Variants in FHIP1A observed in about 807,000 individuals in gnomAD.
The protein encoded by FHIP1A is FHF complex subunit HOOK-interacting protein 1A.
In FHIP1A, 61 loss-of-function variants were observed where a neutral mutation model predicts 88.6. The ratio of observed to expected loss-of-function variants is 0.69; its 90% CI spans 0.56 to 0.85. The LOEUF is 0.85. Among genes scored for constraint, FHIP1A ranks in the 40% least tolerant of loss-of-function variants. The pLI, the probability that FHIP1A is intolerant of heterozygous loss-of-function variation, is 0.00. For missense variants in FHIP1A, 1,154 were observed against 1,273.5 expected (o/e 0.91, Z 1.43); for synonymous variants, 478 against 496.0 (o/e 0.96, Z 0.48).
chr4:151,433,762 T>C (rs1733688234), intron 1 of FHIP1A, among the ~76,000 whole-genome samples: 1 of 152,188 alleles, frequency 6.6e-6, no homozygotes, highest in Non-Finnish European at 1.5e-5. Flanking sequence ...TGATAATCTC[T>C]GAATCAAACT....
chr4:151,461,649 A>G (rs1580593768), intron 2 of FHIP1A, among the ~76,000 whole-genome samples: 1 of 152,192 alleles, frequency 6.6e-6, no homozygotes, highest in East Asian at 1.9e-4. Context: ...TAAAATTTTA[A>G]AAATGGAAAA....
intron 3 of FHIP1A, among the ~76,000 whole-genome samples, chr4:151,503,795 T>C (rs1045510867): frequency 6.6e-6 from 1 of 152,206 alleles, no homozygotes; most frequent in Non-Finnish European, 1.5e-5. Flanking sequence ...AGGCCTACTT[T>C]ATTGTAACAA....
At chr4:151,523,086 A>G (rs1001125399) in intron 3 of FHIP1A, among the ~76,000 whole-genome samples, 1 of 152,194 alleles carries the variant, frequency 6.6e-6, no homozygotes, top group Non-Finnish European at 1.5e-5. Context: ...CTTTGTTGCT[A>G]TGGTAATACA....
At chr4:151,521,640 A>C (rs1447581867) in intron 3 of FHIP1A, among the ~76,000 whole-genome samples, 3 of 152,172 alleles carry the variant, frequency 2.0e-5, no homozygotes, top group Non-Finnish European at 4.4e-5. Flanking sequence ...CTAATTTGTC[A>C]GTAAATTGGA....
chr4:151,664,508 A>G lies in FHIP1A; in HGVS notation c.*1754A>G, dbSNP rs998501284. On this transcript the variant is annotated 3_prime_UTR_variant, in exon 14 of 14. Coordinates refer to ENST00000435205, the MANE Select transcript of FHIP1A (RefSeq NM_001109977.3). ...CACCAAAGATTCCTACTCACTGTAC[A>G]TTTCTGTTTGTCTTGACAAATGGTT... Among the ~76,000 whole-genome samples, 1 of 152,182 alleles carries G rather than the reference A, an allele frequency of 6.6e-6. No individual in the cohort carries two copies. Among genetic ancestry groups the G allele is most frequent in the African/African-American group, 2.4e-5 (1 of 41,442 alleles).
intron 3 of FHIP1A, among the ~76,000 whole-genome samples, chr4:151,547,094 T>A (rs1366016388): frequency 6.6e-6 from 1 of 152,186 alleles, no homozygotes. Context: ...GAGAGAATAG[T>A]GTGACATGCT....
At chr4:151,616,483 C>G (rs1422111529) in intron 7 of FHIP1A, among the ~76,000 whole-genome samples, 128 of 133,348 alleles carry the variant, frequency 9.6e-4, no homozygotes, top group African/African-American at 3.5e-3. Flanking sequence ...GAGTCTCACT[C>G]TGTCACCCAG....
Position 151,511,500 on chromosome 4 carries a change from G to A in FHIP1A, c.-123+28852G>A, listed in dbSNP as rs1731027246. ...GGCAAGGCACTGCCTCACTCAGGAA[G>A]CGCAAGGGGTCAGGGAGTTCCCTTT... On this transcript the variant is annotated intron_variant, in intron 3 of 13. Transcript: ENST00000435205. Among the ~76,000 whole-genome samples, 8 of 152,372 alleles carry A rather than the reference G, an allele frequency of 5.3e-5. No individual in the cohort carries two copies. In the South Asian group the frequency reaches 1.4e-3, roughly 28 times the overall value.
intron 1 of FHIP1A, among the ~76,000 whole-genome samples, chr4:151,417,389 C>A (rs777606300): frequency 6.6e-6 from 1 of 152,162 alleles, no homozygotes; most frequent in Non-Finnish European, 1.5e-5. Context: ...ACACCCTATG[C>A]AAACATCTGA....
At chr4:151,605,727 A>T (rs1428273399) in intron 7 of FHIP1A, among the ~76,000 whole-genome samples, 1 of 152,222 alleles carries the variant, frequency 6.6e-6, no homozygotes, top group Non-Finnish European at 1.5e-5. Flanking sequence ...CGTATTCATG[A>T]TCTGCATCCT....
intron 1 of FHIP1A, among the ~76,000 whole-genome samples, chr4:151,446,329 C>G (rs181675973): frequency 2.6e-5 from 4 of 152,002 alleles, no homozygotes; most frequent in African/African-American, 9.7e-5. Context: ...TTCATGCTTT[C>G]TCTTCTATAA....
chr4:151,436,047 G>A (rs1317823738), intron 1 of FHIP1A, among the ~76,000 whole-genome samples: 1 of 152,028 alleles, frequency 6.6e-6, no homozygotes, highest in Non-Finnish European at 1.5e-5. Flanking sequence ...TACTTATTTA[G>A]ATCCTATCTG....
At chr4:151,599,075 G>A (rs976013888) in intron 7 of FHIP1A, among the ~76,000 whole-genome samples, 7 of 152,288 alleles carry the variant, frequency 4.6e-5, no homozygotes, top group South Asian at 2.1e-4. Context: ...TTTGAGATAA[G>A]GGATTGGAAG....
chr4:151,627,744 A>T (rs1227885789), intron 7 of FHIP1A, among the ~76,000 whole-genome samples: 1 of 152,214 alleles, frequency 6.6e-6, no homozygotes, highest in African/African-American at 2.4e-5. Context: ...ATCTTTATAA[A>T]AAACGTCTCT....
At chr4:151,614,767 G>A (rs1735453805) in intron 7 of FHIP1A, among the ~76,000 whole-genome samples, 1 of 152,146 alleles carries the variant, frequency 6.6e-6, no homozygotes, top group Admixed American at 6.5e-5. Flanking sequence ...GAGCGGTAAG[G>A]GCCAGAAGTT....
chr4:151,573,937 GA>G (rs755300102), intron 4 of FHIP1A, among the ~76,000 whole-genome samples: 23 of 152,340 alleles, frequency 1.5e-4, no homozygotes, highest in Admixed American at 7.2e-4. Flanking sequence ...GGGACATTGG[GA>G]CAGAAGTTCT....
intron 5 of FHIP1A, among the ~76,000 whole-genome samples, chr4:151,581,700 AG>A (rs1315505425): frequency 3.3e-5 from 5 of 152,192 alleles, no homozygotes; most frequent in Admixed American, 1.3e-4. Context: ...TTAAAAAAAA[AG>A]CCCTCTTTAT....
chr4:151,461,611 TATC>T (rs750407899), intron 2 of FHIP1A, among the ~76,000 whole-genome samples: 47 of 152,312 alleles, frequency 3.1e-4, no homozygotes, highest in African/African-American at 7.5e-4. Context: ...TATGTATAAT[TATC>T]ATATGCCAAT....
chr4:151,629,162 A>G (rs1300937938), intron 7 of FHIP1A, among the ~76,000 whole-genome samples: 1 of 152,212 alleles, frequency 6.6e-6, no homozygotes, highest in Non-Finnish European at 1.5e-5. Flanking sequence ...CCAGAAACAC[A>G]TCGGAACATC....
Sources: gnomAD v4.1 joint callset for allele counts (sites outside exome capture counted in the v4.1 genomes callset) on GRCh38, gnomAD v4.1.1 for gene constraint, MANE v1.5 for transcripts, NCBI Gene and HGNC (gene_info 2026-07-23, HGNC 2026-07-21) for gene names.